RIMBP2: variants seen among roughly 807,000 people sequenced by gnomAD.
RIMBP2 encodes RIMS binding protein 2.
In RIMBP2, 48 loss-of-function variants were observed where a neutral mutation model predicts 118.6. The ratio of observed to expected loss-of-function variants is 0.40; its 90% CI spans 0.32 to 0.51. The LOEUF is 0.51. RIMBP2 is among the 20% of genes least tolerant of loss of function. The pLI is 0.41. For missense variants in RIMBP2, 1,551 were observed against 1,768.3 expected (o/e 0.88, Z 2.20); for synonymous variants, 762 against 742.9 (o/e 1.03, Z -0.42).
rs55701290 is a variant in RIMBP2 at position 130,500,662 on chromosome 12, C to A, written c.-4+5986G>T. Among the ~76,000 whole-genome samples the A allele has an allele frequency of 5.4e-3, 829 of 152,210 alleles. 12 individuals are homozygous for A. The highest frequency in any genetic ancestry group is 0.019 in the African/African-American group (790 of 41,538). ...TGGGCTAATTTTCAGTTCAGACAGGCCCTGAATGCACATTGGCACAGCTCC... is the reference window on the plus strand; with the variant it reads ...TGGGCTAATTTTCAGTTCAGACAGGACCTGAATGCACATTGGCACAGCTCC... On this transcript the variant is annotated intron_variant, in intron 4 of 22. Transcript: ENST00000690449.
chr12:130,587,244 G>A (rs2058951116), intron 2 of RIMBP2, among the ~76,000 whole-genome samples: 1 of 137,444 alleles, frequency 7.3e-6, no homozygotes, highest in Non-Finnish European at 1.6e-5. Flanking sequence ...CTGTAAACTA[G>A]TTCAACCATT....
intron 1 of RIMBP2, among the ~76,000 whole-genome samples, chr12:130,654,365 A>C (rs2063342903): frequency 6.6e-6 from 1 of 152,210 alleles, no homozygotes. Flanking sequence ...TAGGACACAG[A>C]TACAATGCAG....
chr12:130,627,218 C>A (rs139774923), intron 2 of RIMBP2, among the ~76,000 whole-genome samples: 1 of 152,246 alleles, frequency 6.6e-6, no homozygotes, highest in Admixed American at 6.5e-5. Flanking sequence ...GACTCATTTG[C>A]CAAGCCCAAG....
At chr12:130,541,424 A>T (rs2054593060) in intron 2 of RIMBP2, among the ~76,000 whole-genome samples, 1 of 152,168 alleles carries the variant, frequency 6.6e-6, no homozygotes, top group Non-Finnish European at 1.5e-5. Flanking sequence ...TTCCTCTTAC[A>T]CCAAAATAAA....
Position 130,670,295 on chromosome 12 carries a change from A to G in RIMBP2, c.-351-41839T>C, listed in dbSNP as rs2064140083. Among the ~76,000 whole-genome samples the G allele has an allele frequency of 6.6e-6, 1 of 152,016 alleles. No homozygotes were observed. Among genetic ancestry groups the G allele is most frequent in the Non-Finnish European group, 1.5e-5 (1 of 68,010 alleles). ...CAGAACTGAAGTTTTAGGACTCTAT[A>G]TTTATGGTGATTTCTTACTGATGGA... On this transcript the variant is annotated intron_variant, in intron 1 of 22. Transcript: ENST00000690449. The surrounding 1 kb of genome is among the most constrained non-coding windows in gnomAD (Gnocchi z 4.9).
intron 7 of RIMBP2, among the ~76,000 whole-genome samples, chr12:130,455,128 C>T (rs114183763): frequency 0.013 from 2,048 of 152,332 alleles, 44 homozygotes; most frequent in African/African-American, 0.046. Flanking sequence ...TCTTGTCGCA[C>T]GGAGTGGGGC....
intron 1 of RIMBP2, among the ~76,000 whole-genome samples, chr12:130,675,293 C>A (rs1325668880): frequency 1.3e-5 from 2 of 152,166 alleles, no homozygotes. Flanking sequence ...CCAGTCAGTC[C>A]TCCCTCTCTC....
rs113719759 is a variant in RIMBP2 at position 130,533,012 on chromosome 12, T to G, written c.-216-15095A>C. Among the ~76,000 whole-genome samples, 421 of 85,330 alleles carry G rather than the reference T, an allele frequency of 4.9e-3. 16 individuals are homozygous for G. The highest frequency in any genetic ancestry group is 0.025 in the Middle Eastern group (3 of 120). 56.0% of individuals were successfully genotyped at this position (85,330 alleles called of 152,430 possible). A position where few individuals can be genotyped will look rare whatever the true frequency, so the allele number is the denominator to read the frequency against. ...AGATGCGTATGTTTAGCCTCTAGGATGGACGTCTAATGAGATGCGTGTGTG... is the reference window on the plus strand; with the variant it reads ...AGATGCGTATGTTTAGCCTCTAGGAGGGACGTCTAATGAGATGCGTGTGTG... On this transcript the variant is annotated intron_variant, in intron 2 of 22. Transcript: ENST00000690449.
intron 2 of RIMBP2, among the ~76,000 whole-genome samples, chr12:130,542,104 T>A (rs1191254297): frequency 1.4e-5 from 2 of 147,110 alleles, no homozygotes; most frequent in Non-Finnish European, 2.9e-5. Context: ...ATGTGGTATG[T>A]CAGGTAAAAA....
At chr12:130,607,893 GC>G (rs1489799583) in intron 2 of RIMBP2, among the ~76,000 whole-genome samples, 1 of 152,084 alleles carries the variant, frequency 6.6e-6, no homozygotes, top group African/African-American at 2.4e-5. Context: ...CAAAAGGGGA[GC>G]TCCCAGCAGG....
Position 130,488,470 on chromosome 12 carries a change from C to CA in RIMBP2, c.-3-9455dup, listed in dbSNP as rs35952712. Among the ~76,000 whole-genome samples the CA allele has an allele frequency of 9.5e-3, 1,436 of 151,310 alleles. 13 individuals carry two copies. Among genetic ancestry groups the CA allele is most frequent in the Middle Eastern group, 0.044 (13 of 294 alleles). ...ATATTAGTGAGGTCTACGAACCAGC[C>CA]AAAAAAAAGAGAAATGGACAAGGCT... On this transcript the variant is annotated intron_variant, in intron 4 of 22. Transcript: ENST00000690449.
chr12:130,532,445 A>G (rs1305479227), intron 2 of RIMBP2, among the ~76,000 whole-genome samples: 2 of 149,920 alleles, frequency 1.3e-5, no homozygotes, highest in African/African-American at 5.0e-5. Flanking sequence ...TCTAGGAGGG[A>G]CGTCTAATGA....
rs1003029708 is a variant in RIMBP2 at position 130,517,903 on chromosome 12, C to G, written c.-202G>C. On this transcript the variant is annotated 5_prime_UTR_variant, in exon 3 of 23. Coordinates refer to ENST00000690449, the MANE Select transcript of RIMBP2 (RefSeq NM_001393629.1). ...GGAGATACTCTCCCTGGGTGGCATCCTTCAGTTCATTTTCCTAGGACAAAA... is the reference window on the plus strand; with the variant it reads ...GGAGATACTCTCCCTGGGTGGCATCGTTCAGTTCATTTTCCTAGGACAAAA... 9.1e-6 allele frequency: 9 copies of G among 985,490 alleles called. No individual in the cohort carries two copies. Among genetic ancestry groups the G allele is most frequent in the Non-Finnish European group, 1.1e-5 (9 of 829,618 alleles). 61.0% of individuals were successfully genotyped at this position (985,490 alleles called of 1,614,324 possible).
At chr12:130,594,692 T>A (rs1302184221) in intron 2 of RIMBP2, among the ~76,000 whole-genome samples, 1 of 148,196 alleles carries the variant, frequency 6.7e-6, no homozygotes, top group Non-Finnish European at 1.5e-5. Flanking sequence ...AAGGGGGGGG[T>A]GTGGGTATGT....
At chr12:130,556,585 C>T (rs1411007190) in intron 2 of RIMBP2, among the ~76,000 whole-genome samples, 1 of 152,224 alleles carries the variant, frequency 6.6e-6, no homozygotes, top group Non-Finnish European at 1.5e-5. Context: ...CTGGTGACCC[C>T]CACATGGGGA....
At chr12:130,662,854 G>A (rs934203229) in intron 1 of RIMBP2, among the ~76,000 whole-genome samples, 2 of 152,124 alleles carry the variant, frequency 1.3e-5, no homozygotes, top group Non-Finnish European at 2.9e-5. Flanking sequence ...TACCTGGGAA[G>A]CTGAGTTGGG....
At chr12:130,665,167 A>C (rs2063863311) in intron 1 of RIMBP2, among the ~76,000 whole-genome samples, 1 of 151,654 alleles carries the variant, frequency 6.6e-6, no homozygotes, top group Non-Finnish European at 1.5e-5. Context: ...TCAAGTTAAC[A>C]TCCCCAGTAA....
chr12:130,530,201 A>G (rs560543201), intron 2 of RIMBP2, among the ~76,000 whole-genome samples: 2 of 152,158 alleles, frequency 1.3e-5, no homozygotes, highest in Non-Finnish European at 2.9e-5. Flanking sequence ...CTGCGCCAAT[A>G]CTAGAGGGAA....
chr12:130,611,262 G>A (rs957348367), intron 2 of RIMBP2, among the ~76,000 whole-genome samples: 9 of 152,128 alleles, frequency 5.9e-5, no homozygotes, highest in Admixed American at 3.9e-4. Flanking sequence ...CTGTCCCCAC[G>A]TCCCCCAGAC....
Sources: allele counts gnomAD v4.1 joint callset (sites outside exome capture counted in the v4.1 genomes callset), GRCh38; gene constraint gnomAD v4.1.1; non-coding constraint Gnocchi (gnomAD v3.1); transcripts MANE v1.5; gene names NCBI Gene and HGNC (gene_info 2026-07-23, HGNC 2026-07-21).